The following FNBP1 variants were observed in gnomAD, a reference collection of about 807,000 sequenced individuals.
FNBP1 encodes the protein formin-binding protein 1.
Under a neutral mutation model 90.6 loss-of-function variants are expected in FNBP1, and 26 were observed. The ratio of observed to expected loss-of-function variants is 0.29; its 90% confidence interval spans 0.21 to 0.40. The LOEUF (loss-of-function observed/expected upper bound fraction) is 0.40. Ranked by LOEUF, FNBP1 falls within the 10% of genes least tolerant of loss-of-function variation. FNBP1 has a pLI of 1.00. For missense variants in FNBP1, 635 were observed against 768.0 expected, an observed-to-expected ratio of 0.83 and a Z score of 2.05; for synonymous variants, 260 against 265.2, an observed-to-expected ratio of 0.98 and a Z score of 0.19.
intron 1 of FNBP1, among the ~76,000 whole-genome samples, chr9:130,026,965 CAAAA>C (rs765168982): frequency 3.9e-5 from 3 of 76,068 alleles, no homozygotes; most frequent in Admixed American, 1.6e-4. Flanking sequence ...GACCCTGTCT[CAAAA>C]AAAAAAAAAA....
Position 129,900,430 on chromosome 9 carries a change from C to T in FNBP1, c.1546G>A (p.Glu516Lys), listed in dbSNP as rs1050381060. 2 of 1,587,910 alleles carry T rather than the reference C, an allele frequency of 1.3e-6. No individual in the cohort carries two copies. Among genetic ancestry groups the T allele is most frequent in the African/African-American group, 1.4e-5 (1 of 73,592 alleles). ...PTVNNCAQDR[E>K]SPDGSYTEEQ... ...GGCGCTGTGCAGATACTGTACCTCT[C>T]ACGGTCCTGGGCGCAGTTGTTGACT... The change falls in exon 14 of 17, where the codon GAG (glutamate) becomes AAG (lysine). Residue 516 changes from glutamate to lysine, a missense_variant. Glu to Lys is a moderately conservative substitution (Grantham distance 56). Coordinates refer to ENST00000446176, the MANE Select transcript of FNBP1 (RefSeq NM_015033.3). This position sits in a 1 kb window ranked among gnomAD's most constrained non-coding sequence, Gnocchi z 4.1.
At chr9:129,974,726 G>A in intron 4 of FNBP1, among the ~76,000 whole-genome samples, 1 of 151,896 alleles carries the variant, frequency 6.6e-6, no homozygotes, top group East Asian at 1.9e-4. Flanking sequence ...TGAGCATGGT[G>A]GCATATGCCT....
chr9:129,949,404 C>T (rs946519189), intron 6 of FNBP1, among the ~76,000 whole-genome samples: 1 of 152,156 alleles, frequency 6.6e-6, no homozygotes, highest in Non-Finnish European at 1.5e-5. Context: ...TTTCTTATAT[C>T]TACTTTATAC....
At chr9:129,968,360 A>G (rs1164277315) in intron 4 of FNBP1, among the ~76,000 whole-genome samples, 1 of 146,646 alleles carries the variant, frequency 6.8e-6, no homozygotes, top group Non-Finnish European at 1.5e-5. Flanking sequence ...GCACCATTGC[A>G]CTCCAGCCTG....
At chr9:129,981,338 C>G (rs981792024) in intron 2 of FNBP1, among the ~76,000 whole-genome samples, 2 of 152,098 alleles carry the variant, frequency 1.3e-5, no homozygotes, top group Non-Finnish European at 2.9e-5. Flanking sequence ...ATCTGCCCGC[C>G]TCGGCCCCCC....
At position 130,031,388 on chromosome 9, in the gene FNBP1, C is replaced by A. The variant is rs1217649622; in HGVS notation, c.24+11564G>T. 6.6e-6 allele frequency among the ~76,000 whole-genome samples: 1 copy of A among 152,184 alleles called. No homozygotes were observed. Among genetic ancestry groups the A allele is most frequent in the African/African-American group, 2.4e-5 (1 of 41,442 alleles). On this transcript the variant is annotated intron_variant, in intron 1 of 16. Transcript: ENST00000446176. The surrounding 1 kb of genome is among the most constrained non-coding windows in gnomAD (Gnocchi z 4.2). The stretch of plus-strand genomic sequence containing the variant: ...TCACATGGTTTTTAGCTATAGTCTG[C>A]CTCTTCAGGCTCCTATTACAACTCC...
At chr9:129,950,883 T>A (rs960562463) in intron 6 of FNBP1, among the ~76,000 whole-genome samples, 4 of 151,396 alleles carry the variant, frequency 2.6e-5, no homozygotes, top group African/African-American at 9.7e-5. Context: ...AGCCTCCACC[T>A]CCAGAGCTCA....
intron 11 of FNBP1, among the ~76,000 whole-genome samples, chr9:129,911,033 C>G (rs1260833647): frequency 6.6e-6 from 1 of 152,108 alleles, no homozygotes. Flanking sequence ...TATTTGAAAA[C>G]TGGATTATTC....
intron 11 of FNBP1, among the ~76,000 whole-genome samples, chr9:129,913,932 A>G (rs1018744520): frequency 6.6e-6 from 1 of 151,330 alleles, no homozygotes; most frequent in African/African-American, 2.4e-5. Context: ...CCAAGGCTGG[A>G]GCAGCCTCAA....
Position 129,900,471 on chromosome 9 carries a change from C to T in FNBP1, c.1505G>A (p.Ser502Asn). The T allele has an allele frequency of 6.2e-7, 1 of 1,606,366 alleles. No homozygotes were observed. Among genetic ancestry groups the T allele is most frequent in the African/African-American group, 1.3e-5 (1 of 74,696 alleles). ...GTTGTTGACTGTGGGTGGGTTCTGG[C>T]TGTCGTACAGTCCGCTCTGCCGGCG... ...QARRQSGLYD[S>N]QNPPTVNNCA... The change falls in exon 14 of 17, where the codon AGC (serine) becomes AAC (asparagine). Residue 502 changes from serine (S) to asparagine (N), a missense_variant. Ser to Asn is a conservative substitution (Grantham distance 46, BLOSUM62 1). Coordinates refer to ENST00000446176, the MANE Select transcript of FNBP1 (RefSeq NM_015033.3). This position sits in a 1 kb window ranked among gnomAD's most constrained non-coding sequence, Gnocchi z 4.1.
chr9:129,915,289 G>C (rs2040088908), intron 11 of FNBP1, among the ~76,000 whole-genome samples: 1 of 151,848 alleles, frequency 6.6e-6, no homozygotes, highest in Non-Finnish European at 1.5e-5. Flanking sequence ...TTCTCTAATA[G>C]CAACATTTTT....
Position 130,042,997 on chromosome 9 carries a change from C to A in FNBP1, c.-22G>T. 1 of 1,225,028 alleles carries A rather than the reference C, an allele frequency of 8.2e-7. No homozygotes were observed. 75.9% of individuals were successfully genotyped at this position (1,225,028 alleles called of 1,614,324 possible). On this transcript the variant is annotated 5_prime_UTR_variant, in exon 1 of 17. Coordinates refer to ENST00000446176, the MANE Select transcript of FNBP1 (RefSeq NM_015033.3). This position sits in a 1 kb window ranked among gnomAD's most constrained non-coding sequence, Gnocchi z 5.5. ...TCATGGTGCAGGGGACGCGAAGGGG[C>A]GCTCCGCGCGGCGGGCGCGGCTCTC...
intron 2 of FNBP1, 148 bp downstream of exon 2, chr9:129,994,695 T>G (rs1000867217): frequency 4.9e-6 from 2 of 407,124 alleles, no homozygotes; most frequent in Admixed American, 4.4e-5. Context: ...ATTAATTTTC[T>G]GTATGAAAAA....
the FNBP1 span, chr9:130,053,607 T>TC: frequency 7.9e-6 from 3 of 378,322 alleles, no homozygotes; most frequent in Non-Finnish European, 1.5e-5. Context: ...AGATCAGGGG[T>TC]CCCCGGAGCC....
At chr9:129,897,335 T>C (rs2035955409) in intron 15 of FNBP1, among the ~76,000 whole-genome samples, 1 of 152,028 alleles carries the variant, frequency 6.6e-6, no homozygotes, top group African/African-American at 2.4e-5. Context: ...GGCAAAGAGT[T>C]TAGGGAGCTG....
intron 1 of FNBP1, among the ~76,000 whole-genome samples, chr9:130,003,690 G>A (rs920893543): frequency 2.6e-5 from 4 of 151,810 alleles, no homozygotes; most frequent in Admixed American, 6.6e-5. Flanking sequence ...TTGGGAGGCC[G>A]AGAAGGGCAG....
intron 12 of FNBP1, among the ~76,000 whole-genome samples, chr9:129,905,627 C>G (rs554900081): frequency 2.6e-5 from 4 of 151,612 alleles, no homozygotes; most frequent in African/African-American, 9.7e-5. Flanking sequence ...TTCCTTTGGG[C>G]TTAATTTGCT....
intron 12 of FNBP1, among the ~76,000 whole-genome samples, chr9:129,904,301 G>T (rs1047418015): frequency 2.1e-4 from 32 of 152,208 alleles, no homozygotes; most frequent in Non-Finnish European, 3.1e-4. Flanking sequence ...CTGAAATCAT[G>T]TCTGGAAGCA....
intron 2 of FNBP1, among the ~76,000 whole-genome samples, chr9:129,990,641 G>A (rs1302165743): frequency 3.3e-5 from 5 of 152,146 alleles, no homozygotes; most frequent in African/African-American, 9.7e-5. Flanking sequence ...AAATGGGGAC[G>A]CACTGGAATT....
Sources: allele counts gnomAD v4.1 joint callset (sites outside exome capture counted in the v4.1 genomes callset), GRCh38; gene constraint gnomAD v4.1.1; non-coding constraint Gnocchi (gnomAD v3.1); transcripts MANE v1.5; gene names NCBI Gene and HGNC (gene_info 2026-07-23, HGNC 2026-07-21).